The following KCND2 variants were observed in gnomAD, a reference collection of about 807,000 sequenced individuals.
KCND2 encodes the protein potassium voltage-gated channel subfamily D member 2, also known as A-type voltage-gated potassium channel KCND2.
In KCND2, 16 loss-of-function variants were observed where a neutral mutation model predicts 54.4. That is an observed-to-expected ratio of 0.29 (90% CI 0.20 to 0.45). KCND2 has a LOEUF of 0.45. KCND2 is among the 20% of genes least tolerant of loss of function. The probability of loss-of-function intolerance (pLI) is 1.00; values close to 1 mark genes in which losing one functional copy is unlikely to be tolerated. For synonymous variants in KCND2, 317 were observed against 310.7 expected, an observed-to-expected ratio of 1.02 and a Z score of -0.21; for missense variants, 486 against 824.2, an observed-to-expected ratio of 0.59 and a Z score of 5.02.
At chr7:120,744,301 C>A (rs1792978825) in intron 4 of KCND2, among the ~76,000 whole-genome samples, 2 of 152,026 alleles carry the variant, frequency 1.3e-5, no homozygotes, top group South Asian at 4.1e-4. Flanking sequence ...TTATTCCTAT[C>A]TTTTCTGTTC....
chr7:120,577,283 C>G lies in KCND2; in HGVS notation c.1116-155620C>G, dbSNP rs117685781. Among the ~76,000 whole-genome samples the G allele has an allele frequency of 2.8e-3, 427 of 152,148 alleles. 1 individual carries two copies. Among genetic ancestry groups the G allele is most frequent in the Non-Finnish European group, 5.2e-3 (355 of 67,990 alleles). The stretch of plus-strand genomic sequence containing the variant: ...ATGAATTAAAAGCTTCAAAAGTTTT[C>G]ATACTTTGAACTCATGGAAATAGAG... On this transcript the variant is annotated intron_variant, in intron 1 of 5. Transcript: ENST00000331113.
chr7:120,731,501 G>T (rs1157995816), intron 1 of KCND2, among the ~76,000 whole-genome samples: 2 of 152,174 alleles, frequency 1.3e-5, no homozygotes, highest in Non-Finnish European at 2.9e-5. Flanking sequence ...GGTGAAAGGT[G>T]GTGTAAAATA....
chr7:120,740,200 T>A (rs748912200), intron 2 of KCND2, among the ~76,000 whole-genome samples: 3 of 152,052 alleles, frequency 2.0e-5, no homozygotes, highest in Non-Finnish European at 2.9e-5. Flanking sequence ...TCTAGAAATA[T>A]TACCAGTGAT....
At chr7:120,652,083 C>A (rs1249004494) in intron 1 of KCND2, among the ~76,000 whole-genome samples, 1 of 146,308 alleles carries the variant, frequency 6.8e-6, no homozygotes, top group African/African-American at 2.5e-5. Flanking sequence ...TTTTTTTTTC[C>A]TTTTTTTTTT....
Position 120,578,105 on chromosome 7 carries a change from GAGGAAGAAGAAAAGA to G in KCND2, c.1116-154788_1116-154774del, listed in dbSNP as rs1456082365. On this transcript the variant is annotated intron_variant, in intron 1 of 5. Coordinates refer to ENST00000331113, the MANE Select transcript of KCND2 (RefSeq NM_012281.3). ...AGAAGGAGAAGGAGAGGAAGAGGAAGAGGAAGAAGAAAAGAAGGAAGAAGGAAGAAAAATTAGCCT... is the reference window on the plus strand; with the variant it reads ...AGAAGGAGAAGGAGAGGAAGAGGAAGAGGAAGAAGGAAGAAAAATTAGCCT... Among the ~76,000 whole-genome samples, 4 of 151,864 alleles carry G rather than the reference GAGGAAGAAGAAAAGA, an allele frequency of 2.6e-5. No individual in the cohort carries two copies. In the East Asian group the frequency reaches 7.8e-4, roughly 30 times the overall value.
intron 1 of KCND2, among the ~76,000 whole-genome samples, chr7:120,469,414 C>A (rs773621629): frequency 6.6e-6 from 1 of 152,050 alleles, no homozygotes; most frequent in Non-Finnish European, 1.5e-5. Context: ...AGTAGATGCA[C>A]GGATTTTTAG....
At chr7:120,294,002 C>T (rs1251174663) in intron 1 of KCND2, among the ~76,000 whole-genome samples, 1 of 151,926 alleles carries the variant, frequency 6.6e-6, no homozygotes, top group Non-Finnish European at 1.5e-5. Flanking sequence ...ATTTAGAGAC[C>T]ACCATAACAT....
At chr7:120,685,378 G>T (rs564099250) in intron 1 of KCND2, among the ~76,000 whole-genome samples, 1 of 152,074 alleles carries the variant, frequency 6.6e-6, no homozygotes, top group African/African-American at 2.4e-5. Context: ...ATACACCAGC[G>T]CATGAGTCTG....
intron 1 of KCND2, among the ~76,000 whole-genome samples, chr7:120,532,441 G>A (rs148768383): frequency 0.016 from 2,469 of 151,812 alleles, 28 homozygotes; most frequent in Non-Finnish European, 0.027. Flanking sequence ...AGTATAACAT[G>A]AAAGTTGTTA....
chr7:120,414,127 G>A (rs1441459177), intron 1 of KCND2, among the ~76,000 whole-genome samples: 2 of 151,868 alleles, frequency 1.3e-5, no homozygotes, highest in Admixed American at 6.6e-5. Flanking sequence ...TATCATTATT[G>A]ATGCTTTTTT....
At chr7:120,335,107 G>C (rs1005888801) in intron 1 of KCND2, among the ~76,000 whole-genome samples, 1 of 152,114 alleles carries the variant, frequency 6.6e-6, no homozygotes, top group African/African-American at 2.4e-5. Context: ...GCTCACACCT[G>C]TAATCCCAGC....
At chr7:120,296,943 T>A (rs1031626274) in intron 1 of KCND2, among the ~76,000 whole-genome samples, 1 of 152,138 alleles carries the variant, frequency 6.6e-6, no homozygotes, top group African/African-American at 2.4e-5. Flanking sequence ...AAAGGAGGCA[T>A]GATAAACACA....
intron 1 of KCND2, among the ~76,000 whole-genome samples, chr7:120,293,419 G>A (rs1340058843): frequency 6.6e-6 from 1 of 151,952 alleles, no homozygotes; most frequent in East Asian, 1.9e-4. Flanking sequence ...TAATTGAATT[G>A]TTCTGGCACC....
At chr7:120,517,364 T>A (rs1803211378) in intron 1 of KCND2, among the ~76,000 whole-genome samples, 1 of 152,128 alleles carries the variant, frequency 6.6e-6, no homozygotes, top group African/African-American at 2.4e-5. Context: ...TATGACTATT[T>A]CTGTAACTGT....
chr7:120,510,239 G>A (rs1803092585), intron 1 of KCND2, among the ~76,000 whole-genome samples: 1 of 152,058 alleles, frequency 6.6e-6, no homozygotes, highest in African/African-American at 2.4e-5. Flanking sequence ...TAAGCACTCT[G>A]CATACATTAA....
chr7:120,668,390 A>C (rs1791953009), intron 1 of KCND2, among the ~76,000 whole-genome samples: 1 of 147,816 alleles, frequency 6.8e-6, no homozygotes, highest in African/African-American at 2.6e-5. Context: ...GGCATGGAGG[A>C]AAAAAAGAGT....
chr7:120,640,991 A>G (rs1793364004), intron 1 of KCND2, among the ~76,000 whole-genome samples: 1 of 152,220 alleles, frequency 6.6e-6, no homozygotes, highest in African/African-American at 2.4e-5. Context: ...ATTTCATTGA[A>G]GACTGTGTTG....
rs1232578790 is a variant in KCND2 at position 120,313,594 on chromosome 7, G to A, written c.1115+37847G>A. On this transcript the variant is annotated intron_variant, in intron 1 of 5. Transcript: ENST00000331113. ...ATCTGAATGGCAAGGATGGAATGAC[G>A]CCTTGAAGTAGTAGCAGCTGGGGCT... is the stretch of plus-strand genomic sequence containing the variant. 6.6e-5 allele frequency among the ~76,000 whole-genome samples: 10 copies of A among 152,056 alleles called. No homozygotes were observed. The East Asian group carries it at 1.5e-3, about 23-fold the overall frequency.
intron 1 of KCND2, among the ~76,000 whole-genome samples, chr7:120,662,180 A>G (rs934180708): frequency 2.6e-5 from 4 of 152,196 alleles, no homozygotes; most frequent in Non-Finnish European, 4.4e-5. Context: ...CCAAGATAGT[A>G]GAGGTAAAAT....
Sources: allele counts gnomAD v4.1 joint callset (sites outside exome capture counted in the v4.1 genomes callset), GRCh38; gene constraint gnomAD v4.1.1; transcripts MANE v1.5; gene names NCBI Gene and HGNC (gene_info 2026-07-23, HGNC 2026-07-21).